Variants in PPP2R3A observed in about 807,000 individuals in gnomAD.
PPP2R3A encodes protein phosphatase 2 regulatory subunit B''alpha, also known as serine/threonine-protein phosphatase 2A regulatory subunit B'' subunit alpha.
A neutral mutation model predicts 106.9 loss-of-function variants in PPP2R3A; 80 were observed. That is an observed-to-expected ratio of 0.75 (90% CI 0.62 to 0.90). PPP2R3A has a LOEUF of 0.90. PPP2R3A is among the 40% of genes least tolerant of loss of function. The pLI is 0.00. For missense variants in PPP2R3A, 1,386 were observed against 1,350.4 expected (o/e 1.03, Z -0.41); for synonymous variants, 483 against 468.3 (o/e 1.03, Z -0.41).
At chr3:136,016,414 G>A (rs902020506) in intron 2 of PPP2R3A, among the ~76,000 whole-genome samples, 20 of 152,132 alleles carry the variant, frequency 1.3e-4, no homozygotes, top group African/African-American at 4.3e-4. Flanking sequence ...ATTCAGTGCA[G>A]TATTAAAGTC....
chr3:135,987,896 G>T (rs1932991489), intron 1 of PPP2R3A, among the ~76,000 whole-genome samples: 1 of 152,164 alleles, frequency 6.6e-6, no homozygotes, highest in Non-Finnish European at 1.5e-5. Flanking sequence ...ATTGGACAGT[G>T]CCACTCTGCA....
chr3:135,998,652 T>C (rs1933499435), intron 1 of PPP2R3A, among the ~76,000 whole-genome samples: 1 of 152,178 alleles, frequency 6.6e-6, no homozygotes, highest in East Asian at 1.9e-4. Context: ...AGCAAATAAC[T>C]GGAGAGCTAT....
chr3:136,146,014 A>G lies in PPP2R3A; in HGVS notation c.*848A>G, dbSNP rs1939106850. 6.6e-6 allele frequency: 1 copy of G among 152,216 alleles called. No homozygotes were observed. Among genetic ancestry groups the G allele is most frequent in the Non-Finnish European group, 1.5e-5 (1 of 68,032 alleles). The allele number at this position is 152,216 out of a possible 1,614,324, so 9.4% of individuals were successfully genotyped here. A position where few individuals can be genotyped will look rare whatever the true frequency, so the allele number is the denominator to read the frequency against. ...AAGGCCTGCTTGAAGACATAAAGGA[A>G]TAATGATACATTAAAATTCTTACTA... On this transcript the variant is annotated 3_prime_UTR_variant, in exon 14 of 14. Coordinates refer to ENST00000264977, the MANE Select transcript of PPP2R3A (RefSeq NM_002718.5).
intron 1 of PPP2R3A, among the ~76,000 whole-genome samples, chr3:135,974,642 C>G (rs1937360450): frequency 6.6e-6 from 1 of 152,186 alleles, no homozygotes; most frequent in Non-Finnish European, 1.5e-5. Context: ...GTAAAGCTTC[C>G]TCCCTCGTTC....
At chr3:136,043,070 T>C (rs564654398) in intron 4 of PPP2R3A, among the ~76,000 whole-genome samples, 3 of 151,802 alleles carry the variant, frequency 2.0e-5, no homozygotes, top group East Asian at 1.9e-4. Context: ...TTATACAGAA[T>C]TAAAACATTT....
At chr3:136,063,115 C>T (rs1218838012) in intron 5 of PPP2R3A, among the ~76,000 whole-genome samples, 3 of 152,104 alleles carry the variant, frequency 2.0e-5, no homozygotes, top group East Asian at 1.9e-4. Flanking sequence ...GAAATAATGC[C>T]GCATATCTAC....
chr3:135,998,191 C>T (rs73222209), intron 1 of PPP2R3A, among the ~76,000 whole-genome samples: 3,848 of 152,336 alleles, frequency 0.025, 76 homozygotes, highest in Non-Finnish European at 0.042. Context: ...TCTGCCTTCA[C>T]ATATGTGTTT....
intron 2 of PPP2R3A, among the ~76,000 whole-genome samples, chr3:136,016,360 A>G (rs1934267821): frequency 6.6e-6 from 1 of 152,058 alleles, no homozygotes; most frequent in South Asian, 2.1e-4. Context: ...GTTTAAGTCC[A>G]TTGTTTGTTT....
intron 5 of PPP2R3A, among the ~76,000 whole-genome samples, chr3:136,049,870 C>A (rs1935620452): frequency 6.6e-6 from 1 of 152,000 alleles, no homozygotes. Context: ...ATTCTTCAAC[C>A]CAAGATATAT....
At chr3:135,978,195 T>A (rs531213785) in intron 1 of PPP2R3A, among the ~76,000 whole-genome samples, 1 of 149,032 alleles carries the variant, frequency 6.7e-6, no homozygotes, top group Non-Finnish European at 1.5e-5. Flanking sequence ...TTTAAAGTTA[T>A]ACATTTATTT....
At chr3:136,123,718 A>G (rs529561195) in intron 13 of PPP2R3A, among the ~76,000 whole-genome samples, 2 of 152,360 alleles carry the variant, frequency 1.3e-5, no homozygotes, top group East Asian at 1.9e-4. Context: ...TTTTAAATGT[A>G]TGTGTATCAA....
intron 13 of PPP2R3A, among the ~76,000 whole-genome samples, chr3:136,141,464 G>GTGAT (rs2108037071): frequency 6.6e-6 from 1 of 152,278 alleles, no homozygotes; most frequent in Admixed American, 6.5e-5. Flanking sequence ...AAGCAAGGGA[G>GTGAT]TGATATAATC....
At chr3:136,059,703 A>G (rs1364088934) in intron 5 of PPP2R3A, among the ~76,000 whole-genome samples, 1 of 152,212 alleles carries the variant, frequency 6.6e-6, no homozygotes, top group Non-Finnish European at 1.5e-5. Flanking sequence ...ACTGTTCACA[A>G]TAGCAAAGAC....
At chr3:136,116,455 A>ATATC (rs1311166039) in intron 13 of PPP2R3A, among the ~76,000 whole-genome samples, 3 of 152,230 alleles carry the variant, frequency 2.0e-5, no homozygotes, top group African/African-American at 7.2e-5. Flanking sequence ...GGCAAATTGG[A>ATATC]TAGAGTCAAG....
Position 136,146,380 on chromosome 3 carries a change from ATTTTT to A in PPP2R3A, c.*1220_*1224del, listed in dbSNP as rs890300678. 3 of 150,722 alleles carry A rather than the reference ATTTTT, an allele frequency of 2.0e-5. No individual in the cohort carries two copies. Among genetic ancestry groups the A allele is most frequent in the Non-Finnish European group, 4.4e-5 (3 of 67,598 alleles). 9.3% of individuals were successfully genotyped at this position (150,722 alleles called of 1,614,324 possible). A position where few individuals can be genotyped will look rare whatever the true frequency, so the allele number is the denominator to read the frequency against. On this transcript the variant is annotated 3_prime_UTR_variant, in exon 14 of 14. Transcript: ENST00000264977. Reference sequence around the variant, plus strand: ...TGTCAGTCATCAACTTTTCCCCTAGATTTTTTTTTTAACTAGTTCTGAAAGTGTCA... The same window carrying A: ...TGTCAGTCATCAACTTTTCCCCTAGATTTTTAACTAGTTCTGAAAGTGTCA...
chr3:136,008,197 T>A (rs1173545377), intron 2 of PPP2R3A, among the ~76,000 whole-genome samples: 1 of 152,242 alleles, frequency 6.6e-6, no homozygotes, highest in Admixed American at 6.5e-5. Context: ...CTTTACTTTC[T>A]AGGTTTATAT....
intron 13 of PPP2R3A, among the ~76,000 whole-genome samples, chr3:136,138,690 AT>A: frequency 8.5e-6 from 1 of 118,338 alleles, no homozygotes; most frequent in Non-Finnish European, 1.7e-5. Context: ...CTAGAGAAAT[AT>A]TGAATTTTTT....
At position 136,147,102 on chromosome 3, in the gene PPP2R3A, C is replaced by G. The variant is rs1435795828; in HGVS notation, c.*1936C>G. 3 of 152,048 alleles carry G rather than the reference C, an allele frequency of 2.0e-5. No homozygotes were observed. The highest frequency in any genetic ancestry group is 2.9e-5 in the Non-Finnish European group (2 of 68,036). 9.4% of individuals were successfully genotyped at this position (152,048 alleles called of 1,614,324 possible). ...CTTAATTATTGGCTGGGCATGGTGACTCATGCCTGTAATCCCGGCACTTTG... is the reference window on the plus strand; with the variant it reads ...CTTAATTATTGGCTGGGCATGGTGAGTCATGCCTGTAATCCCGGCACTTTG... On this transcript the variant is annotated 3_prime_UTR_variant, in exon 14 of 14. Transcript: ENST00000264977.
intron 13 of PPP2R3A, among the ~76,000 whole-genome samples, chr3:136,140,948 C>T (rs916736442): frequency 8.5e-5 from 13 of 152,202 alleles, no homozygotes; most frequent in Non-Finnish European, 1.6e-4. Context: ...GAATTCTGCA[C>T]TCTTACCATT....
Sources: gnomAD v4.1 joint callset for allele counts (sites outside exome capture counted in the v4.1 genomes callset) on GRCh38, gnomAD v4.1.1 for gene constraint, MANE v1.5 for transcripts, NCBI Gene and HGNC (gene_info 2026-07-23, HGNC 2026-07-21) for gene names.